The following PPARGC1B variants were observed in gnomAD, a reference collection of about 807,000 sequenced individuals.
PPARGC1B encodes the protein peroxisome proliferator-activated receptor gamma coactivator 1-beta.
In PPARGC1B, 34 loss-of-function variants were observed where a neutral mutation model predicts 101.6. That is an observed-to-expected ratio of 0.33 (90% CI 0.25 to 0.45). The LOEUF is 0.45. PPARGC1B is among the 20% of genes least tolerant of loss of function. The pLI, the probability that PPARGC1B is intolerant of heterozygous loss-of-function variation, is 1.00. For missense variants in PPARGC1B, 1,234 were observed against 1,317.6 expected, an observed-to-expected ratio of 0.94 and a Z score of 0.98; for synonymous variants, 548 against 539.3, an observed-to-expected ratio of 1.02 and a Z score of -0.22.
At position 149,834,431 on chromosome 5, in the gene PPARGC1B, A is replaced by AG. The variant is rs554047996; in HGVS notation, c.1706-239dup. On this transcript the variant is annotated intron_variant, in intron 5 of 11. Coordinates refer to ENST00000309241, the MANE Select transcript of PPARGC1B (RefSeq NM_133263.4). ...TCACTGTGCTACACGTTTAGCCAGA[A>AG]GGGGTCACTCTTGCACCTGTTTGTA... 1.9e-4 allele frequency among the ~76,000 whole-genome samples: 29 copies of AG among 152,354 alleles called. No homozygotes were observed. The South Asian group carries it at 5.0e-3, about 26-fold the overall frequency.
chr5:149,789,242 C>T (rs904075863), intron 1 of PPARGC1B, among the ~76,000 whole-genome samples: 2 of 152,094 alleles, frequency 1.3e-5, no homozygotes, highest in Admixed American at 1.3e-4. Context: ...TTTTTCAGCT[C>T]TCTTACTTTA....
At chr5:149,761,164 G>A (rs1433966817) in intron 1 of PPARGC1B, among the ~76,000 whole-genome samples, 1 of 152,080 alleles carries the variant, frequency 6.6e-6, no homozygotes, top group African/African-American at 2.4e-5. Flanking sequence ...ATGATTTGAT[G>A]TATGTATATA....
chr5:149,809,294 A>ATAGATAGG (rs1224632396), intron 1 of PPARGC1B, among the ~76,000 whole-genome samples: 2 of 38,258 alleles, frequency 5.2e-5, no homozygotes, highest in African/African-American at 1.7e-4. Flanking sequence ...TCTACCATAG[A>ATAGATAGG]TAGATAGATA....
At chr5:149,797,483 A>G (rs1253972593) in intron 1 of PPARGC1B, among the ~76,000 whole-genome samples, 2 of 152,384 alleles carry the variant, frequency 1.3e-5, no homozygotes, top group Admixed American at 1.3e-4. Context: ...TTTCCAAATT[A>G]TAAGTAATTA....
intron 1 of PPARGC1B, among the ~76,000 whole-genome samples, chr5:149,771,204 C>T (rs1192582647): frequency 6.6e-6 from 1 of 152,194 alleles, no homozygotes; most frequent in Admixed American, 6.5e-5. Flanking sequence ...CACCATTTTC[C>T]CTGCAGGCAG....
At chr5:149,804,044 T>C (rs987577065) in intron 1 of PPARGC1B, among the ~76,000 whole-genome samples, 15 of 152,168 alleles carry the variant, frequency 9.9e-5, no homozygotes, top group Non-Finnish European at 2.2e-4. Flanking sequence ...TTTCTCATCA[T>C]CTGACCCACT....
chr5:149,830,981 T>C (rs1758762351), intron 4 of PPARGC1B, 98 bp downstream of exon 4: 1 of 825,752 alleles, frequency 1.2e-6, no homozygotes, highest in African/African-American at 1.7e-5. Context: ...ACCTCCAATA[T>C]CTCTTCCCAC....
chr5:149,754,131 G>A (rs1435511475), intron 1 of PPARGC1B, among the ~76,000 whole-genome samples: 1 of 152,220 alleles, frequency 6.6e-6, no homozygotes, highest in Non-Finnish European at 1.5e-5. Context: ...ATTAGACTTC[G>A]TTGATCTTTG....
In PPARGC1B at chr5:149,836,303, G is replaced by A. The variant is rs1759071944; in HGVS notation, c.1848G>A (p.Glu616=). ...CCACACCACCGTACAAGCCCACAGA[G>A]GAGGATCCCTTCAAACCAGACATCA... ...PPTTPPYKPT[E]EDPFKPDIKH... is the part of the protein sequence containing the mutation. The change falls in exon 8 of 12, where the codon GAG becomes GAA. Residue 616 remains glutamate (E), a synonymous_variant. Coordinates refer to ENST00000309241, the MANE Select transcript of PPARGC1B (RefSeq NM_133263.4). 2.5e-6 allele frequency: 4 copies of A among 1,609,476 alleles called. No individual in the cohort carries two copies.
At chr5:149,778,106 CACACAG>C (rs1300948935) in intron 1 of PPARGC1B, among the ~76,000 whole-genome samples, 5,185 of 106,312 alleles carry the variant, frequency 0.049, 1,241 homozygotes, top group African/African-American at 0.099. Flanking sequence ...CACACACACA[CACACAG>C]AGTACCCAGC....
intron 9 of PPARGC1B, 100 bp downstream of exon 9, chr5:149,840,216 C>A (rs950298999): frequency 8.8e-6 from 10 of 1,131,794 alleles, no homozygotes; most frequent in Non-Finnish European, 1.3e-5. Flanking sequence ...GCTGGTGAGC[C>A]CCTCAGTCTT....
chr5:149,765,673 A>G (rs1389851351), intron 1 of PPARGC1B, among the ~76,000 whole-genome samples: 1 of 152,084 alleles, frequency 6.6e-6, no homozygotes, highest in African/African-American at 2.4e-5. Flanking sequence ...CCTGGCCAAC[A>G]CGGGGAAACT....
downstream of PPARGC1B, among the ~76,000 whole-genome samples, chr5:149,856,027 G>C (rs912347211): frequency 6.6e-6 from 1 of 152,188 alleles, no homozygotes; most frequent in East Asian, 1.9e-4. Flanking sequence ...TGAGGCAGGA[G>C]AATCGCTTGA....
chr5:149,837,187 G>A lies in PPARGC1B; in HGVS notation c.2618+114G>A, dbSNP rs1462089921. 2.8e-6 allele frequency: 4 copies of A among 1,451,764 alleles called. No individual in the cohort carries two copies. The highest frequency in any genetic ancestry group is 2.6e-4 in the Middle Eastern group (1 of 3,856). The allele number at this position is 1,451,764 out of a possible 1,614,324, so 89.9% of individuals were successfully genotyped here. A position where few individuals can be genotyped will look rare whatever the true frequency, so the allele number is the denominator to read the frequency against. Reference sequence around the variant, plus strand: ...GGAAGCTTGCTCTGAAACTGAGGCTGCATCTCCCAGTGTGGCCCATGTCTT... The same window carrying A: ...GGAAGCTTGCTCTGAAACTGAGGCTACATCTCCCAGTGTGGCCCATGTCTT... On this transcript the variant is annotated intron_variant, in intron 8 of 11. Transcript: ENST00000309241. The surrounding 1 kb of genome is among the most constrained non-coding windows in gnomAD (Gnocchi z 4.2).
intron 1 of PPARGC1B, among the ~76,000 whole-genome samples, chr5:149,743,101 G>A (rs939615288): frequency 6.6e-6 from 1 of 151,776 alleles, no homozygotes; most frequent in Non-Finnish European, 1.5e-5. Flanking sequence ...CTGGAGCCTG[G>A]TTAAATGTAA....
chr5:149,832,510 T>TGGGAAGCTGGGGACGGAATGAA lies in PPARGC1B; in HGVS notation c.583-143_583-122dup. 1.5e-6 allele frequency: 1 copy of TGGGAAGCTGGGGACGGAATGAA among 668,852 alleles called. No individual in the cohort carries two copies. The highest frequency in any genetic ancestry group is 2.5e-6 in the Non-Finnish European group (1 of 398,310). The allele number at this position is 668,852 out of a possible 1,614,324, so 41.4% of individuals were successfully genotyped here. On this transcript the variant is annotated intron_variant, in intron 4 of 11. Coordinates refer to ENST00000309241, the MANE Select transcript of PPARGC1B (RefSeq NM_133263.4). The surrounding 1 kb of genome is among the most constrained non-coding windows in gnomAD (Gnocchi z 4.9). ...GCACAGCCAGGTGCCCGGCTCTGTG[T>TGGGAAGCTGGGGACGGAATGAA]GGGAAGCTGGGGACGGAATGAAGGA...
At position 149,854,354 on chromosome 5, in the gene PPARGC1B, CACAT is replaced by C. The variant is rs1328124538; in HGVS notation, c.*6800_*6803del. The C allele has an allele frequency of 6.6e-6, 1 of 151,500 alleles. No individual in the cohort carries two copies. Among genetic ancestry groups the C allele is most frequent in the Non-Finnish European group, 1.5e-5 (1 of 67,908 alleles). The allele number at this position is 151,500 out of a possible 1,614,324, so 9.4% of individuals were successfully genotyped here. A position where few individuals can be genotyped will look rare whatever the true frequency, so the allele number is the denominator to read the frequency against. On this transcript the variant is annotated 3_prime_UTR_variant, in exon 12 of 12. Transcript: ENST00000309241. Reference sequence around the variant, plus strand: ...GGGTGTGTGTGTGTGTATCTGTGCACACATACACACGTCTGTGCCTGTGTGTGTG... The same window carrying C: ...GGGTGTGTGTGTGTGTATCTGTGCACACACACGTCTGTGCCTGTGTGTGTG...
rs1391979486 is a variant in PPARGC1B, at chr5:149,817,947, A to G, written c.79-2486A>G. Among the ~76,000 whole-genome samples, 3 of 152,260 alleles carry G rather than the reference A, an allele frequency of 2.0e-5. No individual in the cohort carries two copies. In the South Asian group the frequency reaches 6.2e-4, roughly 31 times the overall value. ...TTGCAGACTTACTAGAAATGGCCCA[A>G]AACAGGAAACAAACCAATTATCCAT... is the stretch of plus-strand genomic sequence containing the variant. On this transcript the variant is annotated intron_variant, in intron 1 of 11. Coordinates refer to ENST00000309241, the MANE Select transcript of PPARGC1B (RefSeq NM_133263.4).
intron 1 of PPARGC1B, chr5:149,732,970 A>T (rs1358350400): frequency 4.3e-6 from 1 of 231,614 alleles, no homozygotes; most frequent in South Asian, 4.0e-5. Context: ...CATTTCCTCC[A>T]TCTGTCAAAT....
Sources: gnomAD v4.1 joint callset for allele counts (sites outside exome capture counted in the v4.1 genomes callset) on GRCh38, gnomAD v4.1.1 for gene constraint, Gnocchi (gnomAD v3.1) non-coding constraint, MANE v1.5 for transcripts, NCBI Gene and HGNC (gene_info 2026-07-23, HGNC 2026-07-21) for gene names.